The following ATP8B2 variants were observed in gnomAD, a reference collection of about 807,000 sequenced individuals.
ATP8B2 encodes the protein ATPase phospholipid transporting 8B2.
Under a neutral mutation model 133.4 loss-of-function variants are expected in ATP8B2, and 70 were observed. The observed-to-expected ratio is 0.52, with a 90% CI of 0.43 to 0.64. ATP8B2 has a LOEUF of 0.64. Among genes scored for constraint, ATP8B2 ranks in the 30% least tolerant of loss-of-function variants. The pLI is 0.00. For synonymous variants in ATP8B2, 517 were observed against 589.5 expected, an observed-to-expected ratio of 0.88 and a Z score of 1.78; for missense variants, 1,101 against 1,535.7, an observed-to-expected ratio of 0.72 and a Z score of 4.73.
intron 3 of ATP8B2, 156 bp downstream of exon 3, chr1:154,330,610 T>A (rs752629526): frequency 2.4e-6 from 2 of 818,178 alleles, no homozygotes; most frequent in Admixed American, 2.6e-5. Context: ...CGTGCTGAAT[T>A]TTTCATGCCT....
At chr1:154,333,997 G>T in intron 9 of ATP8B2, 110 bp from the exon 10 acceptor site, 1 of 1,318,442 alleles carries the variant, frequency 7.6e-7, no homozygotes, top group South Asian at 1.3e-5. Context: ...ATATGGATGG[G>T]CCCTTGCCCT....
rs566183791 is a variant in ATP8B2 at position 154,341,144 on chromosome 1, A to G, written c.1243+82A>G. On this transcript the variant is annotated intron_variant, in intron 13 of 27. Transcript: ENST00000368489. ...ACTGGGGCCCCACAGTTTCCTTAAC[A>G]TTGGTTTTTTCTTCCTTCCTAGTTG... 13 of 1,452,868 alleles carry G rather than the reference A, an allele frequency of 8.9e-6. No homozygotes were observed. The South Asian group carries it at 1.4e-4, about 16-fold the overall frequency. 90.0% of individuals were successfully genotyped at this position (1,452,868 alleles called of 1,614,324 possible).
At chr1:154,338,544 C>T (rs1686270389) in intron 12 of ATP8B2, among the ~76,000 whole-genome samples, 1 of 152,026 alleles carries the variant, frequency 6.6e-6, no homozygotes, top group Non-Finnish European at 1.5e-5. Context: ...CCTGTAATCC[C>T]AGCTACTTGG....
chr1:154,334,706 T>A lies in ATP8B2; in HGVS notation c.837+115T>A. The A allele has an allele frequency of 1.3e-6, 1 of 799,852 alleles. No individual in the cohort carries two copies. Among genetic ancestry groups the A allele is most frequent in the Non-Finnish European group, 2.0e-6 (1 of 499,196 alleles). The allele number at this position is 799,852 out of a possible 1,614,324, so 49.5% of individuals were successfully genotyped here. ...ACTTCAGGTTTGGCTTTAAAGCTGCTAGCAGGTCAGCTACACAAAGGCAGT... is the reference window on the plus strand; with the variant it reads ...ACTTCAGGTTTGGCTTTAAAGCTGCAAGCAGGTCAGCTACACAAAGGCAGT... On this transcript the variant is annotated intron_variant, in intron 11 of 27. Coordinates refer to ENST00000368489, the MANE Select transcript of ATP8B2 (RefSeq NM_001370597.1). This position sits in a 1 kb window ranked among gnomAD's most constrained non-coding sequence, Gnocchi z 4.6.
intron 14 of ATP8B2, 109 bp from the exon 15 acceptor site, chr1:154,342,687 T>G (rs1311886940): frequency 6.8e-7 from 1 of 1,474,814 alleles, no homozygotes. Flanking sequence ...AATTTTGAGG[T>G]CCACCGTGGA....
rs1246326528 is a variant in ATP8B2 at position 154,334,147 on chromosome 1, A to C, written c.630A>C (p.Lys210Asn). ...ICEPPNNKLDKFSGTLYWKEN... is the reference protein window; with the variant it reads ...ICEPPNNKLDNFSGTLYWKEN... ...AACCTCCCAACAACAAACTGGACAA[A>C]TTCAGCGGAACCCTCTACTGGAAGG... Residue 210 changes from lysine to asparagine, a missense_variant, in exon 10 of 28, where the codon AAA becomes AAC. By Grantham distance (94) the Lys-to-Asn change is moderately conservative. Transcript: ENST00000368489. This position sits in a 1 kb window ranked among gnomAD's most constrained non-coding sequence, Gnocchi z 4.6. 1 of 1,614,108 alleles carries C rather than the reference A, an allele frequency of 6.2e-7. No homozygotes were observed. Among genetic ancestry groups the C allele is most frequent in the Non-Finnish European group, 8.5e-7 (1 of 1,180,052 alleles).
At position 154,334,225 on chromosome 1, in the gene ATP8B2, G is replaced by A. The variant is rs757123109; in HGVS notation, c.708G>A (p.Leu236=). The A allele has an allele frequency of 1.9e-5, 30 of 1,614,080 alleles. No individual in the cohort carries two copies. Among genetic ancestry groups the A allele is most frequent in the Non-Finnish European group, 2.5e-5 (30 of 1,180,046 alleles). The part of the protein sequence containing the change: ...NQNMLLRGCV[L]RNTEWCFGLV... The stretch of plus-strand genomic sequence containing the variant: ...ACATGCTGCTGCGGGGCTGTGTGCT[G>A]CGAAACACCGAGTGGTGCTTCGGGC... Residue 236 remains leucine (L), a synonymous_variant, in exon 10 of 28, where the codon CTG becomes CTA. Coordinates refer to ENST00000368489, the MANE Select transcript of ATP8B2 (RefSeq NM_001370597.1). The surrounding 1 kb of genome is among the most constrained non-coding windows in gnomAD (Gnocchi z 4.6).
At chr1:154,332,383 C>G (rs907179295) in intron 8 of ATP8B2, among the ~76,000 whole-genome samples, 9 of 151,998 alleles carry the variant, frequency 5.9e-5, no homozygotes, top group Admixed American at 5.2e-4. Context: ...AACAAACAAA[C>G]AAAAAATTTA....
intron 13 of ATP8B2, chr1:154,341,561 G>T (rs1254268882): frequency 5.5e-6 from 1 of 182,794 alleles, no homozygotes; most frequent in Non-Finnish European, 1.2e-5. Context: ...TCCTGGCTGG[G>T]CGCAGTGGAT....
intron 12 of ATP8B2, chr1:154,337,759 T>C: frequency 2.0e-6 from 3 of 1,485,098 alleles, no homozygotes; most frequent in South Asian, 1.4e-5. Context: ...AAAAAAAATA[T>C]TGATTTATTC....
chr1:154,326,781 C>T (rs566164229), intron 1 of ATP8B2, among the ~76,000 whole-genome samples: 1 of 152,328 alleles, frequency 6.6e-6, no homozygotes, highest in South Asian at 2.1e-4. Context: ...TGATCCCTTC[C>T]TCCCCAAGGG....
At position 154,331,036 on chromosome 1, in the gene ATP8B2, T is replaced by C. The variant is rs767666307; in HGVS notation, c.205-12T>C. ...GGGGCCTCAGAGGCATACTTCTCTT[T>C]CTTTTTTTCAGTTGATCCCCCAGAT... is the stretch of plus-strand genomic sequence containing the variant. On this transcript the variant is annotated splice_polypyrimidine_tract_variant and intron_variant, in intron 4 of 27. Coordinates refer to ENST00000368489, the MANE Select transcript of ATP8B2 (RefSeq NM_001370597.1). This position sits in a 1 kb window ranked among gnomAD's most constrained non-coding sequence, Gnocchi z 4.8. The C allele has an allele frequency of 1.2e-6, 2 of 1,612,436 alleles. No individual in the cohort carries two copies. Among genetic ancestry groups the C allele is most frequent in the Admixed American group, 1.7e-5 (1 of 60,012 alleles).
At chr1:154,332,342 T>A (rs1686021790) in intron 8 of ATP8B2, among the ~76,000 whole-genome samples, 1 of 152,166 alleles carries the variant, frequency 6.6e-6, no homozygotes, top group African/African-American at 2.4e-5. Flanking sequence ...GAGACCAGCC[T>A]GGGCAAGATG....
rs1686602933 is a variant in ATP8B2, at chr1:154,346,886, T to C, written c.3163+128T>C. The C allele has an allele frequency of 8.7e-7, 1 of 1,150,728 alleles. No homozygotes were observed. Among genetic ancestry groups the C allele is most frequent in the Non-Finnish European group, 1.2e-6 (1 of 856,208 alleles). The allele number at this position is 1,150,728 out of a possible 1,614,324, so 71.3% of individuals were successfully genotyped here. On this transcript the variant is annotated intron_variant, in intron 26 of 27. Coordinates refer to ENST00000368489, the MANE Select transcript of ATP8B2 (RefSeq NM_001370597.1). The surrounding 1 kb of genome is among the most constrained non-coding windows in gnomAD (Gnocchi z 4.5). ...GTATTCTGTTTATTTTATTTATTTA[T>C]TTATTTATTTTCGAGAAGGAGTCTT... is the stretch of plus-strand genomic sequence containing the variant.
At position 154,328,778 on chromosome 1, in the gene ATP8B2, G is replaced by A; in HGVS notation, c.31+606G>A. On this transcript the variant is annotated intron_variant, in intron 2 of 27. Coordinates refer to ENST00000368489, the MANE Select transcript of ATP8B2 (RefSeq NM_001370597.1). This position sits in a 1 kb window ranked among gnomAD's most constrained non-coding sequence, Gnocchi z 4.6. ...TGGCATCCGCCGGGGGGCATGGGGGGCGGCGGCGGCGGCGCAGCTGAGCTC... is the reference window on the plus strand; with the variant it reads ...TGGCATCCGCCGGGGGGCATGGGGGACGGCGGCGGCGGCGCAGCTGAGCTC... The A allele has an allele frequency of 1.0e-6, 1 of 990,678 alleles. No individual in the cohort carries two copies. Among genetic ancestry groups the A allele is most frequent in the Non-Finnish European group, 1.2e-6 (1 of 831,834 alleles). 61.4% of individuals were successfully genotyped at this position (990,678 alleles called of 1,614,324 possible).
At position 154,349,169 on chromosome 1, in the gene ATP8B2, C is replaced by T. The variant is rs1227979834; in HGVS notation, c.*51C>T. 6.3e-7 allele frequency: 1 copy of T among 1,583,336 alleles called. No individual in the cohort carries two copies. Among genetic ancestry groups the T allele is most frequent in the East Asian group, 2.3e-5 (1 of 44,044 alleles). On this transcript the variant is annotated 3_prime_UTR_variant, in exon 28 of 28. Transcript: ENST00000368489. The stretch of plus-strand genomic sequence containing the variant: ...AGTGACCAGAGCACCCAGGGCTGGC[C>T]AGTCACTGAGGGAACAGCGTCTCGG...
rs1210929172 is a variant in ATP8B2 at position 154,334,974 on chromosome 1, C to T, written c.837+383C>T. Among the ~76,000 whole-genome samples, 1 of 152,142 alleles carries T rather than the reference C, an allele frequency of 6.6e-6. No individual in the cohort carries two copies. The highest frequency in any genetic ancestry group is 2.4e-5 in the African/African-American group (1 of 41,432). ...AGAGGTTGGCAGGGTCTTTTCCCCC[C>T]AACTTCTAAGAACGAAGGATCCCAA... On this transcript the variant is annotated intron_variant, in intron 11 of 27. Coordinates refer to ENST00000368489, the MANE Select transcript of ATP8B2 (RefSeq NM_001370597.1). This position sits in a 1 kb window ranked among gnomAD's most constrained non-coding sequence, Gnocchi z 4.6.
At chr1:154,336,451 G>GAAA (rs11371032) in intron 11 of ATP8B2, among the ~76,000 whole-genome samples, 1 of 145,488 alleles carries the variant, frequency 6.9e-6, no homozygotes, top group Non-Finnish European at 1.5e-5. Flanking sequence ...GATAAGCTTA[G>GAAA]AAAAAAAAAA....
chr1:154,349,106 C>T lies in ATP8B2; in HGVS notation c.3561C>T (p.Pro1187=). 6.2e-7 allele frequency: 1 copy of T among 1,613,644 alleles called. No homozygotes were observed. Among genetic ancestry groups the T allele is most frequent in the South Asian group, 1.1e-5 (1 of 91,052 alleles). ...GCCCCAGTGGCGGTGCCGACAAGCC[C>T]CTCAAGGGCTGAAGGCCGAGGATGG... ...ASSPSGGADK[P]LKG is the part of the protein sequence containing the mutation. The change falls in exon 28 of 28, where the codon CCC becomes CCT. Residue 1187 remains proline (P), a synonymous_variant. Transcript: ENST00000368489.
Sources: gnomAD v4.1 joint callset for allele counts (sites outside exome capture counted in the v4.1 genomes callset) on GRCh38, gnomAD v4.1.1 for gene constraint, Gnocchi (gnomAD v3.1) non-coding constraint, MANE v1.5 for transcripts, NCBI Gene and HGNC (gene_info 2026-07-23, HGNC 2026-07-21) for gene names.